The following XRN2 variants were observed in gnomAD, a reference collection of about 807,000 sequenced individuals.
XRN2 encodes the protein DHM1-like protein.
Under a neutral mutation model 138.5 loss-of-function variants are expected in XRN2, and 44 were observed. The observed-to-expected ratio is 0.32, with a 90% CI of 0.25 to 0.41. The LOEUF is 0.41. Among genes scored for constraint, XRN2 ranks in the 10% least tolerant of loss-of-function variants. The pLI is 1.00. For synonymous variants in XRN2, 354 were observed against 369.4 expected (o/e 0.96, Z 0.48); for missense variants, 937 against 1,169.3 (o/e 0.80, Z 2.90).
intron 1 of XRN2, among the ~76,000 whole-genome samples, chr20:21,320,279 G>GTATGTATT (rs1456669385): frequency 5.6e-5 from 5 of 88,700 alleles, no homozygotes; most frequent in Admixed American, 2.3e-4. Context: ...ATTTATTTAT[G>GTATGTATT]TATTTATTTA....
At position 21,367,272 on chromosome 20, in the gene XRN2, C is replaced by G. The variant is rs1180809986; in HGVS notation, c.2457-1191C>G. Among the ~76,000 whole-genome samples, 2 of 152,120 alleles carry G rather than the reference C, an allele frequency of 1.3e-5. 1 individual carries two copies. The highest frequency in any genetic ancestry group is 1.3e-4 in the Admixed American group (2 of 15,266). ...GAGAGAGGGGACTTGTAAACAATAA[C>G]AGGTAAAGCTGGTATAGAAAGAGCA... On this transcript the variant is annotated intron_variant, in intron 26 of 29. Transcript: ENST00000377191.
intron 28 of XRN2, among the ~76,000 whole-genome samples, chr20:21,383,072 TC>T (rs1471240169): frequency 6.6e-6 from 1 of 152,228 alleles, no homozygotes; most frequent in Non-Finnish European, 1.5e-5. Flanking sequence ...CTTTAGAGAC[TC>T]CAGAACTTTA....
At chr20:21,330,751 CG>C (rs1568574644) in intron 6 of XRN2, 46 bp downstream of exon 6, 1 of 1,524,908 alleles carries the variant, frequency 6.6e-7, no homozygotes, top group East Asian at 2.3e-5. Flanking sequence ...GGTGATCATT[CG>C]AGGCTGTACT....
intron 1 of XRN2, among the ~76,000 whole-genome samples, chr20:21,321,503 G>A (rs1260057499): frequency 6.6e-6 from 1 of 151,850 alleles, no homozygotes. Context: ...GATTCTTGAT[G>A]GGGCTCCAGG....
intron 17 of XRN2, among the ~76,000 whole-genome samples, chr20:21,347,536 A>G (rs1254641464): frequency 2.6e-5 from 4 of 152,182 alleles, no homozygotes; most frequent in East Asian, 3.8e-4. Flanking sequence ...TTTTACTCCT[A>G]CTGTCAAGAT....
intron 1 of XRN2, 97 bp from the exon 2 acceptor site, chr20:21,326,182 C>G: frequency 8.0e-7 from 1 of 1,252,842 alleles, no homozygotes; most frequent in Non-Finnish European, 1.1e-6. Context: ...TGTTTTATTT[C>G]CAGTTCAGAA....
At chr20:21,374,035 C>A (rs1417337957) in intron 27 of XRN2, among the ~76,000 whole-genome samples, 1 of 152,056 alleles carries the variant, frequency 6.6e-6, no homozygotes, top group African/African-American at 2.4e-5. Context: ...AGTTTGAAAT[C>A]ATCACAATAA....
chr20:21,341,382 A>C (rs1445580985), intron 15 of XRN2, among the ~76,000 whole-genome samples: 1 of 152,208 alleles, frequency 6.6e-6, no homozygotes, highest in Admixed American at 6.5e-5. Context: ...CATGGAATAG[A>C]TCTAAATAAA....
chr20:21,330,812 A>G (rs1487262065), intron 6 of XRN2, 107 bp downstream of exon 6: 3 of 1,061,454 alleles, frequency 2.8e-6, no homozygotes, highest in South Asian at 1.7e-5. Context: ...ATAAAATGCT[A>G]GTTGACTGTT....
chr20:21,319,446 AT>A (rs2038007671), intron 1 of XRN2, among the ~76,000 whole-genome samples: 1 of 151,658 alleles, frequency 6.6e-6, no homozygotes, highest in African/African-American at 2.4e-5. Context: ...ATTTTTCTCT[AT>A]TTCTCCTTTG....
chr20:21,312,973 G>C (rs1352990674), intron 1 of XRN2, among the ~76,000 whole-genome samples: 1 of 152,176 alleles, frequency 6.6e-6, no homozygotes, highest in Non-Finnish European at 1.5e-5. Flanking sequence ...CTCAGAACCA[G>C]AAGAGGTTTG....
Position 21,362,512 on chromosome 20 carries a change from CTG to C in XRN2, c.2256-2907_2256-2906del, listed in dbSNP as rs545349313. 3.2e-3 allele frequency among the ~76,000 whole-genome samples: 487 copies of C among 152,292 alleles called. 2 individuals are homozygous for C. The highest frequency in any genetic ancestry group is 4.9e-3 in the Non-Finnish European group (331 of 68,018). On this transcript the variant is annotated intron_variant, in intron 24 of 29. Coordinates refer to ENST00000377191, the MANE Select transcript of XRN2 (RefSeq NM_012255.5). The stretch of plus-strand genomic sequence containing the variant: ...TCCCATCCAAGATGTGTGTCGAAGA[CTG>C]TTGCTTAGGCTCTGTTGGTGACCTC...
chr20:21,371,832 C>A (rs911962178), intron 27 of XRN2, among the ~76,000 whole-genome samples: 9 of 152,162 alleles, frequency 5.9e-5, no homozygotes, highest in Non-Finnish European at 1.0e-4. Context: ...AATTTCATGC[C>A]CTTAGGGGCC....
chr20:21,382,568 T>C (rs1194519651), intron 28 of XRN2, among the ~76,000 whole-genome samples: 1 of 152,206 alleles, frequency 6.6e-6, no homozygotes, highest in East Asian at 1.9e-4. Context: ...CAGTAGTTAT[T>C]AGTTGCCACT....
At chr20:21,328,398 C>T (rs182445720) in intron 3 of XRN2, among the ~76,000 whole-genome samples, 161 bp from the exon 4 acceptor site, 3 of 152,334 alleles carry the variant, frequency 2.0e-5, no homozygotes. Context: ...AATTTAAGTT[C>T]TCAGCATCTG....
rs1362808481 is a variant in XRN2 at position 21,356,162 on chromosome 20, G to C, written c.2103G>C (p.Gln701His). The C allele has an allele frequency of 6.2e-7, 1 of 1,609,980 alleles. No homozygotes were observed. Among genetic ancestry groups the C allele is most frequent in the Non-Finnish European group, 8.5e-7 (1 of 1,178,306 alleles). The change falls in exon 22 of 30, where the codon CAG becomes CAC. Residue 701 changes from glutamine to histidine, a missense_variant. This residue lies in a region of XRN2 where 372 missense variants were observed against 414.4 expected (regional missense o/e 0.90). Coordinates refer to ENST00000377191, the MANE Select transcript of XRN2 (RefSeq NM_012255.5). ...PLHDFILELYQTGSTEPVEVP... is the reference protein window; with the variant it reads ...PLHDFILELYHTGSTEPVEVP... ...ATGACTTCATTTTAGAGCTGTACCA[G>C]ACAGGTTCCACAGAGGTATGTTACG... is the stretch of plus-strand genomic sequence containing the variant.
chr20:21,325,890 CTTG>C (rs1309343068), intron 1 of XRN2, among the ~76,000 whole-genome samples: 3 of 152,062 alleles, frequency 2.0e-5, no homozygotes, highest in Non-Finnish European at 2.9e-5. Flanking sequence ...ATGGTAACTT[CTTG>C]TTGTTCATGG....
chr20:21,315,472 C>CACAGA (rs2037945507), intron 1 of XRN2, among the ~76,000 whole-genome samples: 2 of 152,078 alleles, frequency 1.3e-5, no homozygotes, highest in African/African-American at 2.4e-5. Context: ...GGAGAAATGT[C>CACAGA]TATTTAGGTT....
intron 15 of XRN2, among the ~76,000 whole-genome samples, chr20:21,341,436 C>T (rs964729239): frequency 9.2e-5 from 14 of 152,196 alleles, no homozygotes; most frequent in Non-Finnish European, 2.9e-5. Context: ...TTTGTGAACT[C>T]AGCAACTGCA....
Sources: allele counts gnomAD v4.1 joint callset (sites outside exome capture counted in the v4.1 genomes callset), GRCh38; gene constraint gnomAD v4.1.1; regional missense constraint gnomAD v4.1.1; transcripts MANE v1.5; gene names NCBI Gene and HGNC (gene_info 2026-07-23, HGNC 2026-07-21).